The following ANXA4 variants were observed in gnomAD, a reference collection of about 807,000 sequenced individuals.
ANXA4 encodes 35-beta calcimedin.
Under a neutral mutation model 49.8 loss-of-function variants are expected in ANXA4, and 39 were observed. That is an observed-to-expected ratio of 0.78 (90% CI 0.61 to 1.02). ANXA4 has a LOEUF of 1.02. Ranked by LOEUF, ANXA4 falls within the 50% of genes least tolerant of loss-of-function variation. The pLI is 0.00. For missense variants in ANXA4, 360 were observed against 410.1 expected (o/e 0.88, Z 1.05); for synonymous variants, 134 against 152.5 (o/e 0.88, Z 0.89).
chr2:69,789,263 G>A (rs896025074), intron 3 of ANXA4, among the ~76,000 whole-genome samples: 2 of 152,066 alleles, frequency 1.3e-5, no homozygotes, highest in African/African-American at 2.4e-5. Context: ...CAGAGAGGCC[G>A]AGTAACTCTC....
intron 12 of ANXA4, 146 bp from the exon 13 acceptor site, chr2:69,825,310 A>ACT: frequency 1.5e-6 from 1 of 656,624 alleles, no homozygotes; most frequent in Non-Finnish European, 2.7e-6. Flanking sequence ...ACACTGAATA[A>ACT]GTATTACCTT....
chr2:69,647,698 C>G (rs1676063012), intron 1 of ANXA4, among the ~76,000 whole-genome samples: 3 of 150,286 alleles, frequency 2.0e-5, no homozygotes, highest in Admixed American at 1.3e-4. Context: ...CATGAGCCAC[C>G]ACGCCCAGCC....
intron 3 of ANXA4, among the ~76,000 whole-genome samples, chr2:69,800,141 C>A (rs1673129624): frequency 6.6e-6 from 1 of 152,196 alleles, no homozygotes; most frequent in African/African-American, 2.4e-5. Flanking sequence ...TGCCTCAAGT[C>A]TGATTCCAGA....
At chr2:69,680,507 C>T (rs1424346945) in intron 2 of ANXA4, among the ~76,000 whole-genome samples, 2 of 152,116 alleles carry the variant, frequency 1.3e-5, no homozygotes, top group Non-Finnish European at 2.9e-5. Flanking sequence ...TTCCTCTTGC[C>T]TGATTGCTCT....
chr2:69,678,389 C>CTTTTTTTTTTTTTTTTTT (rs150952411), intron 2 of ANXA4, among the ~76,000 whole-genome samples: 3 of 78,366 alleles, frequency 3.8e-5, no homozygotes, highest in African/African-American at 5.1e-5. Flanking sequence ...CTTTTCTTTT[C>CTTTTTTTTTTTTTTTTTT]TTTTTTTTTT....
chr2:69,771,075 C>A (rs967469185), intron 1 of ANXA4, among the ~76,000 whole-genome samples: 4 of 107,870 alleles, frequency 3.7e-5, no homozygotes, highest in African/African-American at 1.5e-4. Flanking sequence ...GCCTGGGCAA[C>A]AGGGCAAGAC....
chr2:69,788,245 T>G, intron 3 of ANXA4, 104 bp downstream of exon 3: 1 of 1,044,384 alleles, frequency 9.6e-7, no homozygotes, highest in South Asian at 1.4e-5. Context: ...CTTCCTTTAA[T>G]AAAACACAAG....
At chr2:69,703,232 CT>C (rs11332710) in intron 2 of ANXA4, among the ~76,000 whole-genome samples, 21,759 of 147,384 alleles carry the variant, frequency 0.15, 2,164 homozygotes, top group East Asian at 0.37. Context: ...CTCTGGCTTC[CT>C]TTTTTTTTTT....
intron 2 of ANXA4, among the ~76,000 whole-genome samples, chr2:69,682,478 A>G (rs1677634872): frequency 6.6e-6 from 1 of 152,182 alleles, no homozygotes; most frequent in South Asian, 2.1e-4. Flanking sequence ...ACAGTACCTC[A>G]TTGTTTACAT....
chr2:69,793,200 C>T (rs1005922379), intron 3 of ANXA4, among the ~76,000 whole-genome samples: 2 of 149,164 alleles, frequency 1.3e-5, no homozygotes, highest in African/African-American at 5.0e-5. Flanking sequence ...TGCAGTGGGC[C>T]AAGATCGCAC....
chr2:69,736,926 T>C (rs1484700318), intron 3 of ANXA4, among the ~76,000 whole-genome samples: 2 of 152,146 alleles, frequency 1.3e-5, no homozygotes, highest in Non-Finnish European at 2.9e-5. Context: ...TTCAGCCTCC[T>C]GAGTATCTGG....
chr2:69,739,572 ATT>A (rs748559398), upstream of ANXA4, among the ~76,000 whole-genome samples: 10 of 140,570 alleles, frequency 7.1e-5, no homozygotes, highest in African/African-American at 5.2e-5. Context: ...GGCTTGGCTA[ATT>A]TTTTTTTTTT....
rs747842717 is a variant in ANXA4, at chr2:69,806,518, T to C, written c.306+20T>C. 1 of 1,585,862 alleles carries C rather than the reference T, an allele frequency of 6.3e-7. No homozygotes were observed. The highest frequency in any genetic ancestry group is 1.1e-5 in the South Asian group (1 of 90,498). On this transcript the variant is annotated intron_variant, in intron 5 of 12. Coordinates refer to ENST00000394295, the MANE Select transcript of ANXA4 (RefSeq NM_001153.5). ...ATGAAGGTCTGTGCTCTTCCTCTCG[T>C]GCTCTTGGTGCTGTTGGTGCAAACG...
chr2:69,757,524 C>T (rs1253937308), intron 1 of ANXA4, among the ~76,000 whole-genome samples: 29 of 149,932 alleles, frequency 1.9e-4, no homozygotes, highest in South Asian at 6.4e-4. Flanking sequence ...CCGCCTGCCT[C>T]GGCCTCCCAA....
chr2:69,691,579 ACAC>A (rs1677970031), intron 2 of ANXA4, among the ~76,000 whole-genome samples: 3 of 111,792 alleles, frequency 2.7e-5, no homozygotes, highest in African/African-American at 8.1e-5. Flanking sequence ...ACATGCACAC[ACAC>A]ACACACACAC....
At chr2:69,803,124 C>G (rs1673290297) in intron 3 of ANXA4, among the ~76,000 whole-genome samples, 1 of 151,638 alleles carries the variant, frequency 6.6e-6, no homozygotes, top group African/African-American at 2.4e-5. Context: ...TTGCTTGAAC[C>G]TGGGAGGGAG....
Position 69,670,493 on chromosome 2 carries a change from G to A in ANXA4, n.766+17211G>A, listed in dbSNP as rs373697931. The stretch of plus-strand genomic sequence containing the variant: ...AGACAAATGCTAAAATAGAGATGGC[G>A]ACTGGTCCACAGTAAACTTGAAGCA... On this transcript the variant is annotated intron_variant and non_coding_transcript_variant, in intron 2 of 3. Transcript: ENST00000418066. 1.7e-4 allele frequency among the ~76,000 whole-genome samples: 26 copies of A among 150,262 alleles called. No homozygotes were observed. The East Asian group carries it at 4.3e-3, about 25-fold the overall frequency.
intron 1 of ANXA4, among the ~76,000 whole-genome samples, chr2:69,751,098 A>G (rs568881497): frequency 6.6e-6 from 1 of 152,304 alleles, no homozygotes; most frequent in East Asian, 1.9e-4. Context: ...GCCAATGTAA[A>G]TGAGGAAACT....
rs569635413 is a variant in ANXA4, at chr2:69,773,681, G to T, written c.-46-7839G>T. Among the ~76,000 whole-genome samples the T allele has an allele frequency of 2.7e-4, 33 of 121,486 alleles. 1 individual carries two copies. In the South Asian group the frequency reaches 9.5e-3, roughly 35 times the overall value. The allele number at this position is 121,486 out of a possible 152,430, so 79.7% of individuals were successfully genotyped here. A position where few individuals can be genotyped will look rare whatever the true frequency, so the allele number is the denominator to read the frequency against. On this transcript the variant is annotated intron_variant, in intron 1 of 12. Transcript: ENST00000394295. ...GAGTCTTGCTCTGTCACCCAGGCTA[G>T]AGTGCAGTGGCGTGATCTCAGCTCA...
Sources: allele counts gnomAD v4.1 joint callset (sites outside exome capture counted in the v4.1 genomes callset), GRCh38; gene constraint gnomAD v4.1.1; transcripts MANE v1.5; gene names NCBI Gene and HGNC (gene_info 2026-07-23, HGNC 2026-07-21).